Variants in MCF2L observed in about 807,000 individuals in gnomAD.
The protein encoded by MCF2L is guanine nucleotide exchange factor DBS.
MCF2L carries 97 observed loss-of-function variants against 153.4 expected under a neutral mutation model. The observed-to-expected ratio is 0.63, with a 90% CI of 0.54 to 0.75. MCF2L has a LOEUF of 0.75. Ranked by LOEUF, MCF2L falls within the 30% of genes least tolerant of loss-of-function variation. The probability of loss-of-function intolerance (pLI) is 0.00; values close to 1 mark genes in which losing one functional copy is unlikely to be tolerated. For synonymous variants in MCF2L, 659 were observed against 632.2 expected (o/e 1.04, Z -0.64); for missense variants, 1,347 against 1,495.2 (o/e 0.90, Z 1.64).
chr13:112,949,730 G>C (rs1381727811), intron 2 of MCF2L, among the ~76,000 whole-genome samples: 2 of 149,916 alleles, frequency 1.3e-5, no homozygotes, highest in African/African-American at 4.9e-5. Context: ...GATAGGAGTA[G>C]AGGGGGGGAC....
intron 2 of MCF2L, among the ~76,000 whole-genome samples, chr13:112,947,214 C>T (rs1175822505): frequency 6.6e-6 from 1 of 152,186 alleles, no homozygotes; most frequent in Non-Finnish European, 1.5e-5. Context: ...CTGTTCACAG[C>T]ATTGGCTATT....
intron 1 of MCF2L, among the ~76,000 whole-genome samples, chr13:112,973,453 A>G (rs531338095): frequency 6.6e-6 from 1 of 152,312 alleles, no homozygotes; most frequent in South Asian, 2.1e-4. Context: ...GGGATTCCGG[A>G]GCAGGTTTTA....
At chr13:112,986,795 C>T (rs892795847) in intron 1 of MCF2L, among the ~76,000 whole-genome samples, 3 of 152,264 alleles carry the variant, frequency 2.0e-5, no homozygotes, top group African/African-American at 7.2e-5. Flanking sequence ...CCCTCACTCC[C>T]CTGCCTGCCT....
chr13:113,024,782 G>T, intron 3 of MCF2L, 24 bp downstream of exon 3: 1 of 1,582,874 alleles, frequency 6.3e-7, no homozygotes, highest in African/African-American at 1.3e-5. Flanking sequence ...GAGCCCGGCA[G>T]ACATTGTGGT....
intron 3 of MCF2L, chr13:113,044,609 TGA>T (rs1566790164): frequency 1.4e-5 from 22 of 1,566,318 alleles, no homozygotes; most frequent in Non-Finnish European, 1.9e-5. Context: ...GGCTGCAGAG[TGA>T]GCCCACGGAA....
Position 113,075,016 on chromosome 13 carries a change from C to G in MCF2L, c.1135C>G (p.Arg379Gly). The change falls in exon 11 of 30, where the codon CGG becomes GGG. Residue 379 changes from arginine to glycine, a missense_variant. By Grantham distance (125) the Arg-to-Gly change is moderately radical. This residue lies in a region of MCF2L where 820 missense variants were observed against 921.2 expected (regional missense o/e 0.89). Transcript: ENST00000535094. ...EKSGVAVERA[R>G]ALSLDGEQLI... ...TCCACAGGTGGCCGTGGAGAGGGCCCGGGCCCTGTCTCTGGACGGCGAGCA... is the reference window on the plus strand; with the variant it reads ...TCCACAGGTGGCCGTGGAGAGGGCCGGGGCCCTGTCTCTGGACGGCGAGCA... 1 of 1,606,432 alleles carries G rather than the reference C, an allele frequency of 6.2e-7. No individual in the cohort carries two copies. The highest frequency in any genetic ancestry group is 8.5e-7 in the Non-Finnish European group (1 of 1,174,698).
chr13:113,000,200 G>A (rs1017520727), intron 1 of MCF2L, among the ~76,000 whole-genome samples: 1 of 152,234 alleles, frequency 6.6e-6, no homozygotes, highest in Non-Finnish European at 1.5e-5. Context: ...GGAGGTCTGG[G>A]TCAATGTGCA....
At chr13:112,903,779 T>A (rs2081142937) in intron 2 of MCF2L, among the ~76,000 whole-genome samples, 1 of 152,194 alleles carries the variant, frequency 6.6e-6, no homozygotes, top group Non-Finnish European at 1.5e-5. Context: ...GGTGCTCTCA[T>A]TATTCCCTGG....
chr13:112,996,805 C>T (rs964153823), intron 1 of MCF2L, among the ~76,000 whole-genome samples: 2 of 152,194 alleles, frequency 1.3e-5, no homozygotes, highest in African/African-American at 2.4e-5. Context: ...CTGGCAGTGC[C>T]GCCCACGGCA....
intron 2 of MCF2L, among the ~76,000 whole-genome samples, chr13:113,023,413 C>A (rs561117302): frequency 6.6e-6 from 1 of 152,190 alleles, no homozygotes; most frequent in Non-Finnish European, 1.5e-5. Context: ...ATGGTAAAGC[C>A]GCCCTGCCTG....
chr13:113,019,795 C>T (rs2084762834), intron 2 of MCF2L, among the ~76,000 whole-genome samples: 1 of 152,126 alleles, frequency 6.6e-6, no homozygotes. Context: ...TTATAAGGGG[C>T]TGAAGAGACC....
At chr13:112,911,571 C>T (rs149954572) in intron 2 of MCF2L, among the ~76,000 whole-genome samples, 250 of 152,348 alleles carry the variant, frequency 1.6e-3, no homozygotes, top group African/African-American at 5.7e-3. Context: ...AGACCTGGGC[C>T]CCGGGCCTCA....
At chr13:113,073,802 C>A (rs2033154626) in intron 9 of MCF2L, among the ~76,000 whole-genome samples, 1 of 151,956 alleles carries the variant, frequency 6.6e-6, no homozygotes, top group Non-Finnish European at 1.5e-5. Context: ...GTAATCCCAG[C>A]TACTTGGGAG....
chr13:112,995,864 G>A (rs8002924), intron 1 of MCF2L, among the ~76,000 whole-genome samples: 3,076 of 152,270 alleles, frequency 0.02, 81 homozygotes, highest in African/African-American at 0.069. Flanking sequence ...AGTCCTGGGC[G>A]CACCCACAGG....
At chr13:112,947,994 A>T (rs2081655043) in intron 2 of MCF2L, among the ~76,000 whole-genome samples, 2 of 152,198 alleles carry the variant, frequency 1.3e-5, no homozygotes, top group African/African-American at 4.8e-5. Flanking sequence ...TCTGCCAAGG[A>T]TGACTGCTTG....
chr13:113,057,735 G>GT (rs1213865165), intron 4 of MCF2L, among the ~76,000 whole-genome samples: 3 of 142,190 alleles, frequency 2.1e-5, no homozygotes, highest in African/African-American at 5.2e-5. Flanking sequence ...GGTGCTGAGT[G>GT]TTGGGTGCTG....
intron 1 of MCF2L, among the ~76,000 whole-genome samples, chr13:113,004,277 A>G (rs564415963): frequency 6.6e-5 from 10 of 152,322 alleles, no homozygotes; most frequent in African/African-American, 2.4e-4. Flanking sequence ...AGAAGCGTCC[A>G]TCTGCCCGTC....
At chr13:113,062,884 C>T (rs571681118) in intron 5 of MCF2L, among the ~76,000 whole-genome samples, 1 of 152,222 alleles carries the variant, frequency 6.6e-6, no homozygotes, top group Non-Finnish European at 1.5e-5. Context: ...CACAGGTTTT[C>T]CACATAACCA....
intron 3 of MCF2L, among the ~76,000 whole-genome samples, chr13:113,038,198 G>T (rs2086261493): frequency 6.6e-6 from 1 of 152,160 alleles, no homozygotes. Context: ...AGGCACAGTG[G>T]CTCATGCCTA....
Sources: gnomAD v4.1 joint callset for allele counts (sites outside exome capture counted in the v4.1 genomes callset) on GRCh38, gnomAD v4.1.1 for gene constraint, gnomAD v4.1.1 regional missense constraint, MANE v1.5 for transcripts, NCBI Gene and HGNC (gene_info 2026-07-23, HGNC 2026-07-21) for gene names.